SYT13: variants seen among roughly 807,000 people sequenced by gnomAD.
SYT13 encodes synaptotagmin 13, also known as synaptotagmin-13.
A neutral mutation model predicts 38.6 loss-of-function variants in SYT13; 21 were observed. That is an observed-to-expected ratio of 0.54 (90% CI 0.39 to 0.78). SYT13 has a LOEUF of 0.78. Ranked by LOEUF, SYT13 falls within the 30% of genes least tolerant of loss-of-function variation. SYT13 has a pLI of 0.00. For synonymous variants in SYT13, 241 were observed against 237.6 expected (o/e 1.01, Z -0.13); for missense variants, 495 against 548.7 (o/e 0.90, Z 0.98).
intron 2 of SYT13, 100 bp from the exon 3 acceptor site, chr11:45,254,504 C>A (rs1423062737): frequency 6.7e-7 from 1 of 1,493,960 alleles, no homozygotes; most frequent in Non-Finnish European, 8.9e-7. Flanking sequence ...GAACCCAAAC[C>A]CAAGTCTTCC....
Position 45,246,414 on chromosome 11 carries a change from G to C in SYT13, c.945C>G (p.His315Gln). The C allele has an allele frequency of 6.2e-7, 1 of 1,614,120 alleles. No homozygotes were observed. Among genetic ancestry groups the C allele is most frequent in the Non-Finnish European group, 8.5e-7 (1 of 1,179,998 alleles). ...LVVLIKAKNL[H>Q]SNQSKELLGK... Reference sequence around the variant, plus strand: ...CCAGGAGCTCCTTGGACTGGTTAGAGTGGAGGTTCTTGGCTTTAATCAGCA... The same window carrying C: ...CCAGGAGCTCCTTGGACTGGTTAGACTGGAGGTTCTTGGCTTTAATCAGCA... The change falls in exon 5 of 6, where the codon CAC (histidine) becomes CAG (glutamine). Residue 315 changes from histidine to glutamine, a missense_variant. Coordinates refer to ENST00000020926, the MANE Select transcript of SYT13 (RefSeq NM_020826.3).
chr11:45,272,154 A>T (rs1854957315), intron 1 of SYT13, among the ~76,000 whole-genome samples: 1 of 152,070 alleles, frequency 6.6e-6, no homozygotes, highest in African/African-American at 2.4e-5. Flanking sequence ...ATGAGAACAC[A>T]TGGACACAGG....
rs1854738608 is a variant in SYT13 at position 45,255,812 on chromosome 11, G to C, written c.263C>G (p.Ala88Gly). Residue 88 changes from alanine (A) to glycine (G), a missense_variant, in exon 2 of 6, where the codon GCT becomes GGT. Physicochemically the swap from Ala to Gly is moderately conservative, Grantham distance 60 (BLOSUM62 0). Coordinates refer to ENST00000020926, the MANE Select transcript of SYT13 (RefSeq NM_020826.3). ...GTTGATGACCTCTGGAGCCGTCACAGCTGGCCTGGGTCCATAGATGTCTGG... is the reference window on the plus strand; with the variant it reads ...GTTGATGACCTCTGGAGCCGTCACACCTGGCCTGGGTCCATAGATGTCTGG... ...KFPDIYGPRP[A>G]VTAPEVINYA... 1.2e-6 allele frequency: 2 copies of C among 1,614,198 alleles called. No homozygotes were observed. The highest frequency in any genetic ancestry group is 1.7e-6 in the Non-Finnish European group (2 of 1,180,046).
chr11:45,260,372 T>G (rs1854800040), intron 1 of SYT13, among the ~76,000 whole-genome samples: 1 of 152,184 alleles, frequency 6.6e-6, no homozygotes, highest in Non-Finnish European at 1.5e-5. Flanking sequence ...TTCAAATGCA[T>G]CTATATTTGC....
chr11:45,254,222 G>A, intron 3 of SYT13, 48 bp downstream of exon 3: 2 of 1,566,452 alleles, frequency 1.3e-6, no homozygotes, highest in African/African-American at 1.4e-5. Flanking sequence ...AGCTTCTCCA[G>A]GGGAGATAGA....
In SYT13 at chr11:45,267,319, G is replaced by T. The variant is rs893003003; in HGVS notation, c.184-11428C>A. On this transcript the variant is annotated intron_variant, in intron 1 of 5. Coordinates refer to ENST00000020926, the MANE Select transcript of SYT13 (RefSeq NM_020826.3). ...TCCTCCACGTTTCTGTGCCCCTAAG[G>T]CGGATGCCCAGGACGCTGCCTGGTC... 3.3e-5 allele frequency among the ~76,000 whole-genome samples: 5 copies of T among 152,302 alleles called. No homozygotes were observed. The East Asian group carries it at 9.7e-4, about 29-fold the overall frequency.
In SYT13 at chr11:45,269,341, AAAACAAAC is replaced by A. The variant is rs546454223; in HGVS notation, c.184-13458_184-13451del. Reference sequence around the variant, plus strand: ...TTATTAAAAAAACAAACAAAAAAACAAAACAAACAAACAAACAAACAAAAAACTCCGTG... The same window carrying A: ...TTATTAAAAAAACAAACAAAAAAACAAAACAAACAAACAAAAAACTCCGTG... On this transcript the variant is annotated intron_variant, in intron 1 of 5. Coordinates refer to ENST00000020926, the MANE Select transcript of SYT13 (RefSeq NM_020826.3). 8.1e-5 allele frequency: 66 copies of A among 819,462 alleles called. No individual in the cohort carries two copies. In the East Asian group the frequency reaches 2.7e-3, roughly 33 times the overall value. 50.8% of individuals were successfully genotyped at this position (819,462 alleles called of 1,614,324 possible). A position where few individuals can be genotyped will look rare whatever the true frequency, so the allele number is the denominator to read the frequency against.
At position 45,252,390 on chromosome 11, in the gene SYT13, T is replaced by A; in HGVS notation, c.846+31A>T. 6.5e-7 allele frequency: 1 copy of A among 1,531,012 alleles called. No homozygotes were observed. Among genetic ancestry groups the A allele is most frequent in the Non-Finnish European group, 8.8e-7 (1 of 1,139,544 alleles). The allele number at this position is 1,531,012 out of a possible 1,614,324, so 94.8% of individuals were successfully genotyped here. On this transcript the variant is annotated intron_variant, in intron 4 of 5. Transcript: ENST00000020926. This position sits in a 1 kb window ranked among gnomAD's most constrained non-coding sequence, Gnocchi z 4.3. ...TGCCATCCCATGCTGCACGGGCAGGTTTTACCTTTCTAACCCAGGGGTTAC... is the reference window on the plus strand; with the variant it reads ...TGCCATCCCATGCTGCACGGGCAGGATTTACCTTTCTAACCCAGGGGTTAC...
intron 1 of SYT13, among the ~76,000 whole-genome samples, chr11:45,264,827 A>G (rs1400884711): frequency 6.6e-6 from 1 of 152,254 alleles, no homozygotes; most frequent in Non-Finnish European, 1.5e-5. Context: ...GGCTAAAATC[A>G]AAAAGACTGA....
chr11:45,267,131 T>TA (rs1307080164), intron 1 of SYT13, among the ~76,000 whole-genome samples: 1 of 152,240 alleles, frequency 6.6e-6, no homozygotes, highest in East Asian at 1.9e-4. Flanking sequence ...ACTGAGTCCG[T>TA]AGAGTTCAGT....
At chr11:45,262,641 A>G (rs1854831710) in intron 1 of SYT13, among the ~76,000 whole-genome samples, 1 of 150,348 alleles carries the variant, frequency 6.7e-6, no homozygotes, top group South Asian at 2.2e-4. Flanking sequence ...TGGGAGGATC[A>G]CTTGAACCCG....
intron 1 of SYT13, among the ~76,000 whole-genome samples, chr11:45,282,457 A>G (rs951923761): frequency 6.6e-6 from 1 of 152,248 alleles, no homozygotes; most frequent in Non-Finnish European, 1.5e-5. Flanking sequence ...TGTTGGAAAA[A>G]GCAGAAAATA....
rs1294434936 is a variant in SYT13 at position 45,241,120 on chromosome 11, A to AAAT, written c.*2929_*2931dup. ...GGAGAGCAATGAGTTGCCATTAGGC[A>AAAT]AATAGTAATACTCATTGTCATGAAT... is the stretch of plus-strand genomic sequence containing the variant. On this transcript the variant is annotated 3_prime_UTR_variant, in exon 6 of 6. Transcript: ENST00000020926. 1.3e-5 allele frequency: 2 copies of AAAT among 152,232 alleles called. No individual in the cohort carries two copies. Among genetic ancestry groups the AAAT allele is most frequent in the African/African-American group, 4.8e-5 (2 of 41,460 alleles). 9.4% of individuals were successfully genotyped at this position (152,232 alleles called of 1,614,324 possible). A position where few individuals can be genotyped will look rare whatever the true frequency, so the allele number is the denominator to read the frequency against.
At chr11:45,276,557 T>C (rs1855012338) in intron 1 of SYT13, among the ~76,000 whole-genome samples, 1 of 152,114 alleles carries the variant, frequency 6.6e-6, no homozygotes, top group African/African-American at 2.4e-5. Flanking sequence ...GTTCTGCACA[T>C]GTATCCCAGA....
intron 1 of SYT13, among the ~76,000 whole-genome samples, chr11:45,264,884 G>T (rs1489691068): frequency 6.6e-6 from 1 of 152,222 alleles, no homozygotes. Context: ...ATGGTCACTA[G>T]TGCCGGTGGA....
chr11:45,281,670 A>T (rs1360998412), intron 1 of SYT13, among the ~76,000 whole-genome samples: 1 of 138,482 alleles, frequency 7.2e-6, no homozygotes, highest in Non-Finnish European at 1.6e-5. Context: ...CTGCCTCAAA[A>T]AAAAAAAAAA....
chr11:45,267,475 A>G (rs1414532230), intron 1 of SYT13, among the ~76,000 whole-genome samples: 1 of 151,874 alleles, frequency 6.6e-6, no homozygotes. Flanking sequence ...GGCCCCCCAG[A>G]GGTTTGACTT....
intron 5 of SYT13, 146 bp downstream of exon 5, chr11:45,246,234 TGAA>T (rs1234099240): frequency 3.5e-5 from 41 of 1,166,980 alleles, no homozygotes; most frequent in Non-Finnish European, 3.4e-5. Context: ...GAACTTAGGG[TGAA>T]GAACACCGCT....
In SYT13 at chr11:45,254,375, T is replaced by G; in HGVS notation, c.439A>C (p.Thr147Pro). The part of the protein sequence containing the change: ...GVVEDVCVME[T>P]WNPEKAASWN... Reference sequence around the variant, plus strand: ...CTGGCAGCCTTCTCTGGGTTCCAGGTCTCCATGACACAGACATCCTCCACC... The same window carrying G: ...CTGGCAGCCTTCTCTGGGTTCCAGGGCTCCATGACACAGACATCCTCCACC... Residue 147 changes from threonine to proline, a missense_variant, in exon 3 of 6, where the codon ACC (threonine) becomes CCC (proline). Coordinates refer to ENST00000020926, the MANE Select transcript of SYT13 (RefSeq NM_020826.3). 6.2e-7 allele frequency: 1 copy of G among 1,613,522 alleles called. No individual in the cohort carries two copies.
Sources: gnomAD v4.1 joint callset for allele counts (sites outside exome capture counted in the v4.1 genomes callset) on GRCh38, gnomAD v4.1.1 for gene constraint, Gnocchi (gnomAD v3.1) non-coding constraint, MANE v1.5 for transcripts, NCBI Gene and HGNC (gene_info 2026-07-23, HGNC 2026-07-21) for gene names.